Variants in FSTL5 observed in about 807,000 individuals in gnomAD.
The protein encoded by FSTL5 is follistatin-related protein 5.
FSTL5 carries 62 observed loss-of-function variants against 89.1 expected under a neutral mutation model. The observed-to-expected ratio is 0.70, with a 90% CI of 0.57 to 0.86. The LOEUF is 0.86. FSTL5 is among the 40% of genes least tolerant of loss of function. The pLI is 0.00. For synonymous variants in FSTL5, 383 were observed against 346.2 expected, an observed-to-expected ratio of 1.11 and a Z score of -1.18; for missense variants, 1,057 against 1,001.6, an observed-to-expected ratio of 1.06 and a Z score of -0.75.
intron 7 of FSTL5, among the ~76,000 whole-genome samples, chr4:161,640,677 C>T (rs1004338437): frequency 1.4e-5 from 2 of 142,528 alleles, no homozygotes; most frequent in Admixed American, 6.7e-5. Context: ...TTGTAGAATA[C>T]CATCAAGAGT....
At chr4:161,675,789 AT>A (rs1164572484) in intron 6 of FSTL5, among the ~76,000 whole-genome samples, 5 of 152,006 alleles carry the variant, frequency 3.3e-5, no homozygotes, top group African/African-American at 1.2e-4. Flanking sequence ...ATGAGACGCT[AT>A]CTGATAGAAA....
At chr4:161,432,814 T>C (rs1331390367) in intron 15 of FSTL5, among the ~76,000 whole-genome samples, 2 of 151,868 alleles carry the variant, frequency 1.3e-5, no homozygotes, top group African/African-American at 4.8e-5. Context: ...TATATGCCAA[T>C]ATACTAGAAA....
At chr4:161,831,254 T>A (rs979784755) in intron 4 of FSTL5, among the ~76,000 whole-genome samples, 3 of 151,932 alleles carry the variant, frequency 2.0e-5, no homozygotes. Flanking sequence ...TAAAACAATT[T>A]TTAACTTTTT....
chr4:161,828,894 A>T (rs896803984), intron 4 of FSTL5, among the ~76,000 whole-genome samples: 7 of 151,944 alleles, frequency 4.6e-5, no homozygotes, highest in African/African-American at 1.7e-4. Context: ...AAATATTTTG[A>T]TTTGCTCTGC....
chr4:162,050,740 T>C (rs1053175475), intron 2 of FSTL5, among the ~76,000 whole-genome samples: 8 of 151,118 alleles, frequency 5.3e-5, no homozygotes, highest in Admixed American at 2.6e-4. Flanking sequence ...AAAGACATGT[T>C]TGGGGTTGGG....
In FSTL5 at chr4:161,846,480, T is replaced by C. The variant is rs17041653; in HGVS notation, c.410-70406A>G. 5.7e-3 allele frequency among the ~76,000 whole-genome samples: 874 copies of C among 152,250 alleles called. 10 individuals carry two copies. The highest frequency in any genetic ancestry group is 0.02 in the African/African-American group (822 of 41,562). On this transcript the variant is annotated intron_variant, in intron 4 of 15. Transcript: ENST00000306100. Reference sequence around the variant, plus strand: ...GCATTTATACAGTTTTACAGGTACCTAAATGTTAGTAATGACTATTTAAAA... The same window carrying C: ...GCATTTATACAGTTTTACAGGTACCCAAATGTTAGTAATGACTATTTAAAA...
At chr4:161,858,937 CT>C (rs1731813561) in intron 4 of FSTL5, among the ~76,000 whole-genome samples, 1 of 152,106 alleles carries the variant, frequency 6.6e-6, no homozygotes, top group Non-Finnish European at 1.5e-5. Context: ...AAAAAAAAAT[CT>C]CATATAAGTC....
At chr4:161,916,836 T>C (rs1733854826) in intron 4 of FSTL5, among the ~76,000 whole-genome samples, 1 of 152,126 alleles carries the variant, frequency 6.6e-6, no homozygotes, top group South Asian at 2.1e-4. Context: ...TATACAGATA[T>C]AGGTATATAA....
At chr4:161,479,529 T>A (rs1729424956) in intron 13 of FSTL5, among the ~76,000 whole-genome samples, 1 of 152,140 alleles carries the variant, frequency 6.6e-6, no homozygotes, top group Non-Finnish European at 1.5e-5. Context: ...AATCCCAAAA[T>A]GAATGCTTGT....
chr4:162,080,280 G>A (rs994079518), intron 2 of FSTL5, among the ~76,000 whole-genome samples: 1 of 151,528 alleles, frequency 6.6e-6, no homozygotes, highest in African/African-American at 2.4e-5. Flanking sequence ...AATTGTGTAA[G>A]GATTTATTCT....
At chr4:161,748,389 T>G (rs1009541452) in intron 6 of FSTL5, among the ~76,000 whole-genome samples, 1 of 152,136 alleles carries the variant, frequency 6.6e-6, no homozygotes, top group African/African-American at 2.4e-5. Context: ...TGAAAAAGTT[T>G]TTTTAGCATT....
intron 3 of FSTL5, among the ~76,000 whole-genome samples, chr4:161,989,566 A>G (rs1736054695): frequency 6.6e-6 from 1 of 152,154 alleles, no homozygotes; most frequent in Non-Finnish European, 1.5e-5. Context: ...ATCCTAATAA[A>G]TTAAAAACAA....
chr4:161,614,831 A>G (rs1159973689), intron 7 of FSTL5, among the ~76,000 whole-genome samples: 1 of 152,186 alleles, frequency 6.6e-6, no homozygotes, highest in Non-Finnish European at 1.5e-5. Flanking sequence ...AGTATTCACA[A>G]TTAAAAAATA....
chr4:161,597,079 G>C (rs1734041161), intron 7 of FSTL5, among the ~76,000 whole-genome samples: 1 of 151,934 alleles, frequency 6.6e-6, no homozygotes, highest in Admixed American at 6.6e-5. Flanking sequence ...CATTGCTTTT[G>C]GTGTTTTAGA....
chr4:161,964,222 GTC>G, intron 3 of FSTL5, among the ~76,000 whole-genome samples: 1 of 151,960 alleles, frequency 6.6e-6, no homozygotes, highest in South Asian at 2.1e-4. Flanking sequence ...TGGATTGGCA[GTC>G]ATCTGCCTGA....
intron 4 of FSTL5, among the ~76,000 whole-genome samples, chr4:161,875,578 G>A (rs1202558801): frequency 1.3e-5 from 2 of 152,118 alleles, no homozygotes; most frequent in Non-Finnish European, 2.9e-5. Context: ...CCGGGCCCTT[G>A]AGCCACTGGT....
chr4:161,642,597 T>G, intron 7 of FSTL5, among the ~76,000 whole-genome samples: 1 of 152,320 alleles, frequency 6.6e-6, no homozygotes, highest in Non-Finnish European at 1.5e-5. Context: ...AAGAAAATTA[T>G]ATTTTAATAA....
chr4:161,637,508 T>C (rs1442780598), intron 7 of FSTL5, among the ~76,000 whole-genome samples: 1 of 151,938 alleles, frequency 6.6e-6, no homozygotes, highest in East Asian at 1.9e-4. Flanking sequence ...TTGCCATTGC[T>C]TTTGGTGTTT....
At chr4:161,876,752 A>G (rs1337181283) in intron 4 of FSTL5, among the ~76,000 whole-genome samples, 2 of 152,116 alleles carry the variant, frequency 1.3e-5, no homozygotes, top group Non-Finnish European at 2.9e-5. Context: ...TTAAAAAAAG[A>G]GAAAAATATA....
Sources: allele counts gnomAD v4.1 joint callset (sites outside exome capture counted in the v4.1 genomes callset), GRCh38; gene constraint gnomAD v4.1.1; transcripts MANE v1.5; gene names NCBI Gene and HGNC (gene_info 2026-07-23, HGNC 2026-07-21).